EIF2S1: variants seen among roughly 807,000 people sequenced by gnomAD.
The protein encoded by EIF2S1 is eukaryotic translation initiation factor 2 subunit 1.
In EIF2S1, 5 loss-of-function variants were observed where a neutral mutation model predicts 33.5. The ratio of observed to expected loss-of-function variants is 0.15; its 90% CI spans 0.08 to 0.31. The LOEUF (loss-of-function observed/expected upper bound fraction) is 0.31, where lower values mean the gene tolerates loss of function less well. Ranked by LOEUF, EIF2S1 falls within the 10% of genes least tolerant of loss-of-function variation. EIF2S1 has a pLI of 1.00. For missense variants in EIF2S1, 191 were observed against 384.6 expected (o/e 0.50, Z 4.21); for synonymous variants, 99 against 127.5 (o/e 0.78, Z 1.51).
chr14:67,361,237 C>T (rs1197124347), intron 1 of EIF2S1, among the ~76,000 whole-genome samples: 1 of 152,146 alleles, frequency 6.6e-6, no homozygotes, highest in East Asian at 1.9e-4. Context: ...AACATGGTTT[C>T]TTCGAGAAAA....
chr14:67,361,332 A>G (rs1364350378), intron 1 of EIF2S1, among the ~76,000 whole-genome samples: 1 of 152,242 alleles, frequency 6.6e-6, no homozygotes, highest in Admixed American at 6.5e-5. Context: ...GGTGACTTGT[A>G]CAGAACTTTG....
chr14:67,384,479 A>G lies in EIF2S1; in HGVS notation c.*1039A>G, dbSNP rs1369382926. The G allele has an allele frequency of 1.3e-5, 2 of 152,014 alleles. No individual in the cohort carries two copies. The highest frequency in any genetic ancestry group is 2.1e-4 in the South Asian group (1 of 4,812). The allele number at this position is 152,014 out of a possible 1,614,324, so 9.4% of individuals were successfully genotyped here. A position where few individuals can be genotyped will look rare whatever the true frequency, so the allele number is the denominator to read the frequency against. ...AGTTACAGCTACAGTAGTCAGGTGT[A>G]GAAAATCTTGAGTTGCTTTGGTCTG... is the stretch of plus-strand genomic sequence containing the variant. On this transcript the variant is annotated 3_prime_UTR_variant, in exon 8 of 8. Transcript: ENST00000256383.
At chr14:67,380,806 C>A in intron 5 of EIF2S1, 41 bp downstream of exon 5, 2 of 1,126,376 alleles carry the variant, frequency 1.8e-6, no homozygotes, top group South Asian at 1.9e-5. Context: ...ATTTTGCATG[C>A]ATCAAAAAAG....
In EIF2S1 at chr14:67,385,885, AAC is replaced by A. The variant is rs1198448109; in HGVS notation, c.*2447_*2448del. On this transcript the variant is annotated 3_prime_UTR_variant, in exon 8 of 8. Coordinates refer to ENST00000256383, the MANE Select transcript of EIF2S1 (RefSeq NM_004094.5). ...CTAAGCACTACATCATGCTAAGAAG[AAC>A]AGTTATTACTCAGCTGCCATACTTC... is the stretch of plus-strand genomic sequence containing the variant. 6.6e-6 allele frequency: 1 copy of A among 152,182 alleles called. No homozygotes were observed. The highest frequency in any genetic ancestry group is 1.5e-5 in the Non-Finnish European group (1 of 68,040). 9.4% of individuals were successfully genotyped at this position (152,182 alleles called of 1,614,324 possible). A position where few individuals can be genotyped will look rare whatever the true frequency, so the allele number is the denominator to read the frequency against.
intron 3 of EIF2S1, among the ~76,000 whole-genome samples, chr14:67,375,232 CTGTGTGTGTGTGTGTGTGTGTGTGTGTG>C (rs3067321): frequency 5.1e-5 from 7 of 137,672 alleles, no homozygotes; most frequent in African/African-American, 1.9e-4. Flanking sequence ...ATCCTCAGTT[CTGTGTGTGTGTGTGTGTGTGTGTGTGTG>C]TGTGTGTGTG....
intron 3 of EIF2S1, among the ~76,000 whole-genome samples, chr14:67,376,145 T>C (rs2085856798): frequency 1.5e-5 from 2 of 137,626 alleles, no homozygotes; most frequent in Non-Finnish European, 3.0e-5. Flanking sequence ...GGTTTCTATA[T>C]ATTTGATCTA....
chr14:67,374,062 T>G (rs772732139), intron 2 of EIF2S1, among the ~76,000 whole-genome samples: 1 of 152,152 alleles, frequency 6.6e-6, no homozygotes, highest in Non-Finnish European at 1.5e-5. Context: ...TAATAAAAAT[T>G]TATTTCTGAA....
intron 2 of EIF2S1, among the ~76,000 whole-genome samples, chr14:67,368,860 ATAAG>A (rs892313881): frequency 5.3e-5 from 8 of 152,110 alleles, no homozygotes; most frequent in African/African-American, 1.9e-4. Flanking sequence ...ATCTCTAGAA[ATAAG>A]TAAGTAAAAT....
rs2085894356 is a variant in EIF2S1, at chr14:67,382,683, ATAT to A, written c.822+95_822+97del. Reference sequence around the variant, plus strand: ...TAAGAGCTGTCGGCCTTGGAATGTCATATTGTAGGATGGTCATTCAGGCCTTTG... The same window carrying A: ...TAAGAGCTGTCGGCCTTGGAATGTCATGTAGGATGGTCATTCAGGCCTTTG... On this transcript the variant is annotated intron_variant, in intron 7 of 7. Coordinates refer to ENST00000256383, the MANE Select transcript of EIF2S1 (RefSeq NM_004094.5). The A allele has an allele frequency of 3.5e-6, 5 of 1,420,970 alleles. No individual in the cohort carries two copies. The Admixed American group carries it at 8.5e-5, about 24-fold the overall frequency. 88.0% of individuals were successfully genotyped at this position (1,420,970 alleles called of 1,614,324 possible).
rs1245998255 is a variant in EIF2S1 at position 67,386,170 on chromosome 14, A to AC, written c.*2730_*2731insC. 2 of 152,664 alleles carry AC rather than the reference A, an allele frequency of 1.3e-5. No homozygotes were observed. The highest frequency in any genetic ancestry group is 4.8e-5 in the African/African-American group (2 of 41,462). 9.5% of individuals were successfully genotyped at this position (152,664 alleles called of 1,614,324 possible). On this transcript the variant is annotated 3_prime_UTR_variant, in exon 8 of 8. Transcript: ENST00000256383. The stretch of plus-strand genomic sequence containing the variant: ...ATCGATATTCAAAAGGCAAAACAAA[A>AC]AAACTAATTCCAGGGACATTAGACC...
At chr14:67,365,975 A>G (rs528368497) in intron 2 of EIF2S1, among the ~76,000 whole-genome samples, 3 of 152,266 alleles carry the variant, frequency 2.0e-5, no homozygotes, top group East Asian at 1.9e-4. Context: ...TGACTTAGCT[A>G]TAGCCCCGCC....
chr14:67,374,582 CTG>C (rs1254160378), intron 3 of EIF2S1, 35 bp downstream of exon 3: 1 of 1,369,870 alleles, frequency 7.3e-7, no homozygotes, highest in Non-Finnish European at 1.0e-6. Context: ...AGTCCACTAT[CTG>C]TGTGTTTAAT....
At chr14:67,381,073 CAT>C (rs1232862870) in intron 5 of EIF2S1, among the ~76,000 whole-genome samples, 1 of 152,134 alleles carries the variant, frequency 6.6e-6, no homozygotes, top group Non-Finnish European at 1.5e-5. Context: ...AAAGATGAGA[CAT>C]ACCATGCGGA....
At chr14:67,376,163 A>ACT (rs3067323) in intron 3 of EIF2S1, among the ~76,000 whole-genome samples, 46,102 of 151,932 alleles carry the variant, frequency 0.3, 10,538 homozygotes, top group African/African-American at 0.62. Flanking sequence ...CTATGCGAGC[A>ACT]CTCTGTAGTA....
chr14:67,375,261 T>C (rs991950349), intron 3 of EIF2S1, among the ~76,000 whole-genome samples: 8 of 149,278 alleles, frequency 5.4e-5, no homozygotes, highest in African/African-American at 2.0e-4. Context: ...TGTGTGTGTG[T>C]GTGTGTGTGT....
At chr14:67,376,697 A>G in intron 4 of EIF2S1, 107 bp downstream of exon 4, 1 of 1,260,686 alleles carries the variant, frequency 7.9e-7, no homozygotes, top group Non-Finnish European at 1.1e-6. Flanking sequence ...TTTAGATTAA[A>G]ATATTTTGTA....
intron 4 of EIF2S1, among the ~76,000 whole-genome samples, chr14:67,380,211 G>A (rs2141150165): frequency 6.6e-6 from 1 of 152,290 alleles, no homozygotes; most frequent in East Asian, 1.9e-4. Flanking sequence ...ACTTAGGAGG[G>A]TCAGATGAAA....
Position 67,385,830 on chromosome 14 carries a change from A to AATT in EIF2S1, c.*2392_*2393insTAT, listed in dbSNP as rs2085919938. ...AAAACAAGACAAACCAGTTCTTAAT[A>AATT]ATGTTCAAAGTTGGACCCATAGAGA... is the stretch of plus-strand genomic sequence containing the variant. On this transcript the variant is annotated 3_prime_UTR_variant, in exon 8 of 8. Transcript: ENST00000256383. 1.3e-5 allele frequency: 2 copies of AATT among 152,108 alleles called. No homozygotes were observed. Among genetic ancestry groups the AATT allele is most frequent in the South Asian group, 4.1e-4 (2 of 4,824 alleles). The allele number at this position is 152,108 out of a possible 1,614,324, so 9.4% of individuals were successfully genotyped here.
chr14:67,377,099 C>T (rs2085860989), intron 4 of EIF2S1, among the ~76,000 whole-genome samples: 1 of 152,190 alleles, frequency 6.6e-6, no homozygotes, highest in Non-Finnish European at 1.5e-5. Flanking sequence ...GGATCTGATT[C>T]CAAACCTTTT....
Sources: gnomAD v4.1 joint callset for allele counts (sites outside exome capture counted in the v4.1 genomes callset) on GRCh38, gnomAD v4.1.1 for gene constraint, MANE v1.5 for transcripts, NCBI Gene and HGNC (gene_info 2026-07-23, HGNC 2026-07-21) for gene names.